Variants in ATR observed in about 807,000 individuals in gnomAD.
The protein encoded by ATR is ATR checkpoint kinase, also known as serine/threonine-protein kinase ATR.
A neutral mutation model predicts 305.3 loss-of-function variants in ATR; 142 were observed. That is an observed-to-expected ratio of 0.47 (90% CI 0.41 to 0.53). ATR has a LOEUF of 0.53. Ranked by LOEUF, ATR falls within the 20% of genes least tolerant of loss-of-function variation. The probability of loss-of-function intolerance (pLI) is 0.00; values close to 1 mark genes in which losing one functional copy is unlikely to be tolerated. For synonymous variants in ATR, 1,050 were observed against 1,068.1 expected (o/e 0.98, Z 0.33); for missense variants, 2,135 against 3,133.1 (o/e 0.68, Z 7.60).
chr3:142,494,010 G>A (rs1291256268), intron 34 of ATR, among the ~76,000 whole-genome samples: 2 of 151,358 alleles, frequency 1.3e-5, no homozygotes, highest in African/African-American at 4.9e-5. Flanking sequence ...CTCCAGCCTG[G>A]GCAACAGAGC....
At chr3:142,499,825 T>C in intron 30 of ATR, 107 bp from the exon 31 acceptor site, 1 of 899,104 alleles carries the variant, frequency 1.1e-6, no homozygotes, top group Non-Finnish European at 1.7e-6. Flanking sequence ...TGAATTTGCA[T>C]TATATTGTAT....
At chr3:142,527,958 C>T (rs750765089) in intron 21 of ATR, among the ~76,000 whole-genome samples, 116 of 152,246 alleles carry the variant, frequency 7.6e-4, no homozygotes, top group Admixed American at 1.5e-3. Context: ...TTCAAGAATA[C>T]CAAAGGTTGC....
chr3:142,529,169 C>G (rs926157181), intron 21 of ATR, among the ~76,000 whole-genome samples: 123 of 151,414 alleles, frequency 8.1e-4, no homozygotes, highest in African/African-American at 2.8e-3. Flanking sequence ...CGTGAGCTAC[C>G]GTGCCCAGCC....
intron 16 of ATR, among the ~76,000 whole-genome samples, chr3:142,547,324 G>C (rs534569547): frequency 3.7e-4 from 56 of 152,232 alleles, no homozygotes; most frequent in Middle Eastern, 6.8e-3. Flanking sequence ...GGCAGGGTGA[G>C]AGGAGAGCTA....
chr3:142,505,414 CTCAAAG>C (rs2032187061), intron 28 of ATR, 111 bp from the exon 29 acceptor site: 3 of 1,345,952 alleles, frequency 2.2e-6, no homozygotes, highest in Middle Eastern at 4.8e-4. Flanking sequence ...GAAATTTTTC[CTCAAAG>C]TAATAGTAAG....
chr3:142,531,382 T>C (rs928652627), intron 21 of ATR, among the ~76,000 whole-genome samples: 4 of 152,088 alleles, frequency 2.6e-5, no homozygotes, highest in African/African-American at 7.2e-5. Context: ...ATTAGGTATA[T>C]CTCCTAATGC....
chr3:142,558,304 C>T lies in ATR; in HGVS notation c.1885+320G>A, dbSNP rs372066930. 2.6e-4 allele frequency among the ~76,000 whole-genome samples: 40 copies of T among 151,950 alleles called. 1 individual carries two copies. In the East Asian group the frequency reaches 3.9e-3, roughly 15 times the overall value. On this transcript the variant is annotated intron_variant, in intron 8 of 46. Coordinates refer to ENST00000350721, the MANE Select transcript of ATR (RefSeq NM_001184.4). ...TTAGAAGGCTGGGGCAGGTGGATCA[C>T]TTGAGGTCAGGAGTTCGAGACCAGC... is the stretch of plus-strand genomic sequence containing the variant.
At position 142,536,135 on chromosome 3, in the gene ATR, T is replaced by A; in HGVS notation, c.3792A>T (p.Ile1264=). The A allele has an allele frequency of 6.3e-7, 1 of 1,590,566 alleles. No individual in the cohort carries two copies. The highest frequency in any genetic ancestry group is 8.6e-7 in the Non-Finnish European group (1 of 1,158,796). ...FLPDHPELKK[I]KAVLQEYRKE... The stretch of plus-strand genomic sequence containing the variant: ...TTCTGTATTCCTGGAGAACGGCTTT[T>A]ATCTTTTTTAATTCTGGATGATCAG... The change falls in exon 20 of 47, where the codon ATA becomes ATT. Residue 1264 remains isoleucine (I), a synonymous_variant. Coordinates refer to ENST00000350721, the MANE Select transcript of ATR (RefSeq NM_001184.4).
At position 142,559,380 on chromosome 3, in the gene ATR, T is replaced by C. The variant is rs2034797864; in HGVS notation, c.1603A>G (p.Met535Val). ...ACTTTTGTGTAAAAATCCAATGACA[T>C]CCAAGTTATCACTACAGAAGGTTTC... ...KKKPSVVITW[M>V]SLDFYTKVLK... Residue 535 changes from methionine to valine, a missense_variant, in exon 7 of 47, where the codon ATG becomes GTG. By Grantham distance (21) the Met-to-Val change is conservative (BLOSUM62 1). Transcript: ENST00000350721. 6.2e-7 allele frequency: 1 copy of C among 1,613,910 alleles called. No individual in the cohort carries two copies. Among genetic ancestry groups the C allele is most frequent in the Non-Finnish European group, 8.5e-7 (1 of 1,179,878 alleles).
Position 142,450,321 on chromosome 3 carries a change from G to A in ATR, c.7762-719C>T, listed in dbSNP as rs373336443. On this transcript the variant is annotated intron_variant, in intron 46 of 46. Coordinates refer to ENST00000350721, the MANE Select transcript of ATR (RefSeq NM_001184.4). ...CTTATTTCTTTGGTGAAGCACTTGA[G>A]CCATGTGCGTGAACCAAACCCAGTT... is the stretch of plus-strand genomic sequence containing the variant. The A allele has an allele frequency of 3.1e-5, 33 of 1,076,012 alleles. No individual in the cohort carries two copies. In the African/African-American group the frequency reaches 3.8e-4, roughly 12 times the overall value. The allele number at this position is 1,076,012 out of a possible 1,614,324, so 66.7% of individuals were successfully genotyped here.
intron 8 of ATR, among the ~76,000 whole-genome samples, chr3:142,557,078 A>G (rs1451696207): frequency 2.0e-5 from 3 of 151,598 alleles, no homozygotes; most frequent in Non-Finnish European, 2.9e-5. Flanking sequence ...TCAAACTTTA[A>G]TATGGATATG....
Position 142,497,183 on chromosome 3 carries a change from CATGTGCA to C in ATR, c.5561_5567del (p.Leu1854CysfsTer26). The C allele has an allele frequency of 6.2e-7, 1 of 1,613,908 alleles. No individual in the cohort carries two copies. The highest frequency in any genetic ancestry group is 2.2e-5 in the East Asian group (1 of 44,878). On this transcript the variant is annotated frameshift_variant and splice_region_variant, in exon 33 of 47. Coordinates refer to ENST00000350721, the MANE Select transcript of ATR (RefSeq NM_001184.4). LOFTEE classifies it high-confidence loss of function. ...TGATGCTATGCTCCAACTCACATAA[CATGTGCA>C]ATCTGAAGATAGATAGAGCCTATGT...
In ATR at chr3:142,452,681, A is replaced by AC. The variant is rs1376970014; in HGVS notation, c.7761+446dup. 3.1e-4 allele frequency: 322 copies of AC among 1,039,152 alleles called. 1 individual carries two copies. Among genetic ancestry groups the AC allele is most frequent in the Middle Eastern group, 2.9e-3 (6 of 2,100 alleles). The allele number at this position is 1,039,152 out of a possible 1,614,324, so 64.4% of individuals were successfully genotyped here. A position where few individuals can be genotyped will look rare whatever the true frequency, so the allele number is the denominator to read the frequency against. ...AGAGCGAGACTCTGTCTCAAAAACA[A>AC]CAACCACCACCACCACCACAACAAC... On this transcript the variant is annotated intron_variant, in intron 46 of 46. Coordinates refer to ENST00000350721, the MANE Select transcript of ATR (RefSeq NM_001184.4).
chr3:142,474,263 A>C (rs1165713802), intron 36 of ATR, among the ~76,000 whole-genome samples: 2 of 152,126 alleles, frequency 1.3e-5, no homozygotes, highest in Non-Finnish European at 2.9e-5. Context: ...AAAAAAAGGA[A>C]AGAAAGAATA....
intron 36 of ATR, among the ~76,000 whole-genome samples, chr3:142,482,125 C>T (rs993120635): frequency 6.6e-6 from 1 of 152,116 alleles, no homozygotes; most frequent in African/African-American, 2.4e-5. Flanking sequence ...TGAGCCCAGC[C>T]TATTTTGATA....
intron 13 of ATR, among the ~76,000 whole-genome samples, chr3:142,552,438 G>A (rs1382033410): frequency 6.6e-6 from 1 of 152,220 alleles, no homozygotes; most frequent in African/African-American, 2.4e-5. Flanking sequence ...GGGAGGCTGA[G>A]ACGGGTGGAT....
chr3:142,552,768 C>T (rs12152465), intron 13 of ATR, among the ~76,000 whole-genome samples: 163 of 150,698 alleles, frequency 1.1e-3, no homozygotes, highest in Non-Finnish European at 1.9e-3. Flanking sequence ...CCATGGAATA[C>T]TATACAGCCA....
intron 34 of ATR, among the ~76,000 whole-genome samples, chr3:142,494,896 A>T (rs1469625488): frequency 6.6e-6 from 1 of 152,252 alleles, no homozygotes; most frequent in South Asian, 2.1e-4. Flanking sequence ...GTGAGATCCT[A>T]AAATGGTTGT....
At chr3:142,528,501 A>G (rs1157712241) in intron 21 of ATR, among the ~76,000 whole-genome samples, 2 of 152,152 alleles carry the variant, frequency 1.3e-5, no homozygotes, top group Non-Finnish European at 2.9e-5. Flanking sequence ...GTTTGGTGGC[A>G]GAATGAGAAT....
Sources: gnomAD v4.1 joint callset for allele counts (sites outside exome capture counted in the v4.1 genomes callset) on GRCh38, gnomAD v4.1.1 for gene constraint, MANE v1.5 for transcripts, NCBI Gene and HGNC (gene_info 2026-07-23, HGNC 2026-07-21) for gene names.